NHSL1: variants seen among roughly 807,000 people sequenced by gnomAD.
NHSL1 encodes NHS like 1.
NHSL1 carries 48 observed loss-of-function variants against 95.0 expected under a neutral mutation model. That is an observed-to-expected ratio of 0.51 (90% CI 0.40 to 0.64). NHSL1 has a LOEUF of 0.64. Among genes scored for constraint, NHSL1 ranks in the 30% least tolerant of loss-of-function variants. The pLI, the probability that NHSL1 is intolerant of heterozygous loss-of-function variation, is 0.00. For missense variants in NHSL1, 1,971 were observed against 2,077.7 expected (o/e 0.95, Z 1.00); for synonymous variants, 783 against 833.9 (o/e 0.94, Z 1.05).
chr6:138,669,274 A>G (rs759773673), intron 1 of NHSL1, among the ~76,000 whole-genome samples: 3 of 152,100 alleles, frequency 2.0e-5, no homozygotes, highest in Non-Finnish European at 2.9e-5. Context: ...AGATTGTTTT[A>G]AGAAGATGGA....
intron 3 of NHSL1, 42 bp downstream of exon 3, chr6:138,473,264 T>C: frequency 2.0e-6 from 3 of 1,473,778 alleles, no homozygotes; most frequent in South Asian, 1.4e-5. Context: ...TTCTCTGTTC[T>C]GGGACCCAAC....
upstream of NHSL1, among the ~76,000 whole-genome samples, chr6:138,550,057 T>C (rs1305613345): frequency 6.6e-6 from 1 of 152,034 alleles, no homozygotes; most frequent in East Asian, 1.9e-4. Flanking sequence ...CTGGCCAACA[T>C]GGCGAAACCC....
intron 1 of NHSL1, among the ~76,000 whole-genome samples, chr6:138,615,731 A>C (rs1203249965): frequency 6.6e-6 from 1 of 152,242 alleles, no homozygotes; most frequent in Non-Finnish European, 1.5e-5. Flanking sequence ...TTGGCCTCCC[A>C]AAGTGTTGGG....
chr6:138,669,386 C>T (rs1583473557), intron 1 of NHSL1, among the ~76,000 whole-genome samples: 2 of 152,202 alleles, frequency 1.3e-5, no homozygotes, highest in East Asian at 3.9e-4. Context: ...TAAACCAACT[C>T]GGCGGGGAAG....
intron 3 of NHSL1, among the ~76,000 whole-genome samples, chr6:138,468,271 T>C (rs766947271): frequency 6.6e-6 from 1 of 152,230 alleles, no homozygotes; most frequent in Non-Finnish European, 1.5e-5. Context: ...TTTCCTAGGT[T>C]CAGATACACA....
chr6:138,562,865 G>A (rs535839278), intron 1 of NHSL1, among the ~76,000 whole-genome samples: 7 of 152,102 alleles, frequency 4.6e-5, no homozygotes, highest in African/African-American at 9.6e-5. Flanking sequence ...GGCTTCGACC[G>A]AGTATTCACA....
At chr6:138,674,619 T>C (rs1344136041) in intron 1 of NHSL1, among the ~76,000 whole-genome samples, 1 of 152,164 alleles carries the variant, frequency 6.6e-6, no homozygotes, top group Non-Finnish European at 1.5e-5. Flanking sequence ...GGCTTCCCAC[T>C]TCATCCGTGT....
chr6:138,654,855 G>A (rs1487430128), intron 1 of NHSL1, among the ~76,000 whole-genome samples: 1 of 152,198 alleles, frequency 6.6e-6, no homozygotes, highest in African/African-American at 2.4e-5. Flanking sequence ...CATACAGTAT[G>A]ATTCTAATTA....
chr6:138,572,791 T>A (rs1245051635), upstream of NHSL1, among the ~76,000 whole-genome samples: 1 of 152,044 alleles, frequency 6.6e-6, no homozygotes, highest in Non-Finnish European at 1.5e-5. Context: ...AGAACTTGAT[T>A]ATGAATTATC....
At position 138,690,690 on chromosome 6, in the gene NHSL1, G is replaced by T. The variant is rs188150408; in HGVS notation, c.96+1786C>A. 4.1e-4 allele frequency among the ~76,000 whole-genome samples: 63 copies of T among 152,294 alleles called. No homozygotes were observed. The East Asian group carries it at 7.7e-3, about 19-fold the overall frequency. ...CAGGAGGCGGAGGGTGCAGTGAGCT[G>T]AGATTGCACCACAGCACTCCAGCCT... On this transcript the variant is annotated intron_variant, in intron 1 of 3. Transcript: ENST00000491526.
chr6:138,569,385 G>A (rs1324793858), intron 1 of NHSL1, among the ~76,000 whole-genome samples: 1 of 152,090 alleles, frequency 6.6e-6, no homozygotes, highest in Admixed American at 6.5e-5. Flanking sequence ...GTAAGTTAGG[G>A]GGGTTGCGGA....
At chr6:138,544,947 A>G (rs1031068649) in intron 1 of NHSL1, among the ~76,000 whole-genome samples, 3 of 149,540 alleles carry the variant, frequency 2.0e-5, no homozygotes, top group Non-Finnish European at 3.0e-5. Context: ...ATTATAATCC[A>G]TATGTGGCCA....
At chr6:138,613,938 C>G (rs1283647265) in intron 1 of NHSL1, among the ~76,000 whole-genome samples, 1 of 152,162 alleles carries the variant, frequency 6.6e-6, no homozygotes, top group Non-Finnish European at 1.5e-5. Context: ...AGGTTCCTAT[C>G]TCTAGGGACA....
intron 1 of NHSL1, among the ~76,000 whole-genome samples, chr6:138,543,926 C>T (rs1035250097): frequency 6.6e-6 from 1 of 152,084 alleles, no homozygotes; most frequent in African/African-American, 2.4e-5. Flanking sequence ...CACACTTCAG[C>T]GTAAAAGCAC....
chr6:138,656,089 T>C (rs1356087959), intron 1 of NHSL1, among the ~76,000 whole-genome samples: 1 of 152,238 alleles, frequency 6.6e-6, no homozygotes, highest in African/African-American at 2.4e-5. Flanking sequence ...GAAACCCATG[T>C]GACAAAGACA....
At chr6:138,636,442 A>C (rs1356423353) in intron 1 of NHSL1, among the ~76,000 whole-genome samples, 1 of 152,212 alleles carries the variant, frequency 6.6e-6, no homozygotes, top group Non-Finnish European at 1.5e-5. Flanking sequence ...AAAGAAAGAA[A>C]GGGCATCCAA....
intron 1 of NHSL1, among the ~76,000 whole-genome samples, chr6:138,589,237 A>C (rs142529842): frequency 2.0e-5 from 3 of 152,182 alleles, no homozygotes; most frequent in African/African-American, 7.2e-5. Flanking sequence ...ATGGGACAGT[A>C]TGGGTGAGGC....
rs143263153 is a variant in NHSL1, at chr6:138,623,860, C to T, written c.96+68616G>A. Among the ~76,000 whole-genome samples the T allele has an allele frequency of 6.6e-5, 10 of 152,254 alleles. No homozygotes were observed. The East Asian group carries it at 1.7e-3, about 26-fold the overall frequency. ...GGGGTGGTTTTCCACATGCCGCTCT[C>T]GTGATAGTGAGTGAGTCTCAAGAGA... On this transcript the variant is annotated intron_variant, in intron 1 of 3. Transcript: ENST00000491526.
chr6:138,627,871 A>G (rs1784763570), intron 1 of NHSL1, among the ~76,000 whole-genome samples: 2 of 151,860 alleles, frequency 1.3e-5, no homozygotes, highest in African/African-American at 2.4e-5. Flanking sequence ...ACAGAACAAG[A>G]CTCCGTCTAA....
Sources: gnomAD v4.1 joint callset for allele counts (sites outside exome capture counted in the v4.1 genomes callset) on GRCh38, gnomAD v4.1.1 for gene constraint, MANE v1.5 for transcripts, NCBI Gene and HGNC (gene_info 2026-07-23, HGNC 2026-07-21) for gene names.